Variants in RP1 observed in about 807,000 individuals in gnomAD.
RP1 encodes oxygen-regulated protein 1.
RP1 carries 16 observed loss-of-function variants against 14.8 expected under a neutral mutation model. The observed-to-expected ratio is 1.08, with a 90% CI of 0.73 to 1.65. The LOEUF (loss-of-function observed/expected upper bound fraction) is 1.65, where lower values mean the gene tolerates loss of function less well. RP1 is among the 40% of genes most tolerant of loss of function. The pLI, the probability that RP1 is intolerant of heterozygous loss-of-function variation, is 0.00. For missense variants in RP1, 2,631 were observed against 2,535.0 expected (o/e 1.04, Z -0.81); for synonymous variants, 876 against 883.6 (o/e 0.99, Z 0.15).
At chr8:54,669,805 C>T (rs920756826) in intron 7 of RP1, among the ~76,000 whole-genome samples, 5 of 151,090 alleles carry the variant, frequency 3.3e-5, no homozygotes, top group Non-Finnish European at 7.4e-5. Context: ...CATGTTCTCA[C>T]TCATAGGTGG....
At chr8:54,582,942 G>C (rs182217722) in intron 1 of RP1, among the ~76,000 whole-genome samples, 129 of 152,176 alleles carry the variant, frequency 8.5e-4, no homozygotes, top group African/African-American at 2.7e-3. Context: ...ATGTCATCTG[G>C]AAACAGGGAC....
chr8:54,720,442 A>C (rs1438035193), intron 16 of RP1: 1 of 770,532 alleles, frequency 1.3e-6, no homozygotes, highest in Non-Finnish European at 2.0e-6. Flanking sequence ...TTCCAGAAGC[A>C]ATGGAAGGAA....
intron 23 of RP1, among the ~76,000 whole-genome samples, chr8:54,778,923 C>CATA (rs1810112839): frequency 6.6e-6 from 1 of 152,124 alleles, no homozygotes; most frequent in African/African-American, 2.4e-5. Context: ...ATTACGTCAG[C>CATA]ATGGATGTAA....
intron 7 of RP1, among the ~76,000 whole-genome samples, chr8:54,665,238 T>G (rs542698734): frequency 6.6e-6 from 1 of 152,290 alleles, no homozygotes; most frequent in African/African-American, 2.4e-5. Context: ...TCCCCTTTTT[T>G]CTTCATTTTC....
rs1423930937 is a variant in RP1, at chr8:54,628,470, A to G, written c.4588A>G (p.Lys1530Glu). The G allele has an allele frequency of 1.9e-6, 3 of 1,613,618 alleles. No individual in the cohort carries two copies. The highest frequency in any genetic ancestry group is 1.7e-5 in the Admixed American group (1 of 59,936). Reference sequence around the variant, plus strand: ...CGGTATAATTTATGAAATAATCAGTAAGAGGCTGGCAACACCACCATCTTT... The same window carrying G: ...CGGTATAATTTATGAAATAATCAGTGAGAGGCTGGCAACACCACCATCTTT... ...MNGIIYEIIS[K>E]RLATPPSLDF... The change falls in exon 4 of 4, where the codon AAG becomes GAG. Residue 1530 changes from lysine to glutamate, a missense_variant. Coordinates refer to ENST00000220676, the MANE Select transcript of RP1 (RefSeq NM_006269.2).
intron 1 of RP1, among the ~76,000 whole-genome samples, chr8:54,604,290 G>A (rs1805371657): frequency 6.6e-6 from 1 of 152,180 alleles, no homozygotes. Flanking sequence ...CATCTATTGA[G>A]ATAATCATGT....
At chr8:54,585,613 C>T (rs1057070495) in intron 1 of RP1, among the ~76,000 whole-genome samples, 1 of 152,212 alleles carries the variant, frequency 6.6e-6, no homozygotes. Context: ...GTTGCGTTAT[C>T]CCCGTCACTT....
chr8:54,621,640 T>C, intron 2 of RP1, 59 bp downstream of exon 2: 13 of 1,611,236 alleles, frequency 8.1e-6, no homozygotes, highest in Non-Finnish European at 1.1e-5. Flanking sequence ...ACTAATTGGA[T>C]TCGTGTGGGA....
intron 1 of RP1, among the ~76,000 whole-genome samples, chr8:54,581,804 C>A (rs1804797979): frequency 6.6e-6 from 1 of 152,160 alleles, no homozygotes; most frequent in Non-Finnish European, 1.5e-5. Context: ...TAAATGTCTT[C>A]TTTTGAGAAG....
intron 7 of RP1, among the ~76,000 whole-genome samples, chr8:54,672,468 G>A (rs551758681): frequency 6.6e-6 from 1 of 152,210 alleles, no homozygotes; most frequent in South Asian, 2.1e-4. Context: ...CATTGGCCTT[G>A]GTGCTGCATC....
At chr8:54,813,321 G>A (rs1173245355) in intron 24 of RP1, among the ~76,000 whole-genome samples, 6 of 152,174 alleles carry the variant, frequency 3.9e-5, no homozygotes, top group Admixed American at 3.9e-4. Context: ...CATCTTGGGG[G>A]ACAGAGTTCA....
At chr8:54,737,804 G>T (rs756553505) in intron 18 of RP1, among the ~76,000 whole-genome samples, 12 of 152,126 alleles carry the variant, frequency 7.9e-5, no homozygotes, top group Non-Finnish European at 1.5e-4. Flanking sequence ...TAGTTTCTGG[G>T]TGATTTGACT....
rs750829415 is a variant in RP1 at position 54,852,747 on chromosome 8, C to T, written c.3990+19C>T. ...TGGACAGGTAATAGAAACAGGTCTT[C>T]ATCAGTTTTTACCGACTATCGTTCC... On this transcript the variant is annotated intron_variant, in intron 26 of 28. Transcript: ENST00000637698. 2.8e-4 allele frequency: 347 copies of T among 1,231,222 alleles called. 1 individual carries two copies. Among genetic ancestry groups the T allele is most frequent in the Non-Finnish European group, 3.4e-4 (331 of 987,292 alleles). The allele number at this position is 1,231,222 out of a possible 1,614,324, so 76.3% of individuals were successfully genotyped here.
chr8:54,692,963 C>A lies in RP1; in HGVS notation c.1718-6504C>A, dbSNP rs202206974. On this transcript the variant is annotated intron_variant, in intron 12 of 22. Coordinates refer to the RP1 transcript ENST00000636932. ...TTTATGGTTTTAGGTCTAACATTTA[C>A]GTCTTTAATCCATCTTGAATTAATT... Among the ~76,000 whole-genome samples the A allele has an allele frequency of 4.9e-4, 75 of 151,934 alleles. 1 individual carries two copies. The highest frequency in any genetic ancestry group is 1.2e-3 in the African/African-American group (50 of 41,462).
intron 1 of RP1, chr8:54,560,239 G>T (rs1160530434): frequency 6.6e-6 from 1 of 152,140 alleles, no homozygotes; most frequent in Non-Finnish European, 1.5e-5. Context: ...GGGAAGTTGG[G>T]TGAGATATTC....
chr8:54,579,223 C>T (rs1322104301), intron 1 of RP1, among the ~76,000 whole-genome samples: 1 of 152,208 alleles, frequency 6.6e-6, no homozygotes, highest in Non-Finnish European at 1.5e-5. Context: ...TCTCAGTAGA[C>T]ACACAGCTGC....
At chr8:54,805,576 A>G (rs375510132) in intron 24 of RP1, among the ~76,000 whole-genome samples, 1 of 152,248 alleles carries the variant, frequency 6.6e-6, no homozygotes, top group Admixed American at 6.5e-5. Context: ...ACCTTGTTCC[A>G]AAAAGTGACT....
At chr8:54,658,715 G>T (rs1288189173) in intron 6 of RP1, among the ~76,000 whole-genome samples, 1 of 152,082 alleles carries the variant, frequency 6.6e-6, no homozygotes, top group Non-Finnish European at 1.5e-5. Flanking sequence ...ATATCTCTTT[G>T]AGATTCTACT....
chr8:54,821,845 G>C (rs904552694), intron 24 of RP1, among the ~76,000 whole-genome samples: 1 of 152,130 alleles, frequency 6.6e-6, no homozygotes, highest in African/African-American at 2.4e-5. Context: ...CAGGGTACCT[G>C]GGAGGAAAAT....
Sources: allele counts gnomAD v4.1 joint callset (sites outside exome capture counted in the v4.1 genomes callset), GRCh38; gene constraint gnomAD v4.1.1; transcripts MANE v1.5; gene names NCBI Gene and HGNC (gene_info 2026-07-23, HGNC 2026-07-21).